Variants in TGFA observed in about 807,000 individuals in gnomAD.
TGFA encodes the protein transforming growth factor alpha.
A neutral mutation model predicts 21.7 loss-of-function variants in TGFA; 12 were observed. The ratio of observed to expected loss-of-function variants is 0.55; its 90% CI spans 0.35 to 0.90. The LOEUF (loss-of-function observed/expected upper bound fraction) is 0.90, where lower values mean the gene tolerates loss of function less well. Among genes scored for constraint, TGFA ranks in the 40% least tolerant of loss-of-function variants. The pLI, the probability that TGFA is intolerant of heterozygous loss-of-function variation, is 0.01. For synonymous variants in TGFA, 79 were observed against 88.1 expected (o/e 0.90, Z 0.58); for missense variants, 178 against 210.8 (o/e 0.84, Z 0.96).
chr2:70,549,529 A>C (rs1553506471), intron 1 of TGFA, among the ~76,000 whole-genome samples: 1 of 152,176 alleles, frequency 6.6e-6, no homozygotes, highest in Non-Finnish European at 1.5e-5. Context: ...AGCCCTCCAG[A>C]TCATTCCAAT....
intron 4 of TGFA, among the ~76,000 whole-genome samples, chr2:70,455,447 CACTG>C (rs1433159180): frequency 6.6e-6 from 1 of 152,206 alleles, no homozygotes; most frequent in Non-Finnish European, 1.5e-5. Flanking sequence ...GGGGCCCATC[CACTG>C]ACTGTCTCCA....
At chr2:70,524,508 CT>C (rs1553502726) in intron 1 of TGFA, among the ~76,000 whole-genome samples, 6 of 152,252 alleles carry the variant, frequency 3.9e-5, no homozygotes, top group Non-Finnish European at 7.3e-5. Context: ...TCGCCGAGCC[CT>C]CTCGGGCTGG....
intron 1 of TGFA, among the ~76,000 whole-genome samples, chr2:70,546,205 T>G (rs1273068845): frequency 1.3e-5 from 2 of 152,128 alleles, no homozygotes; most frequent in African/African-American, 4.8e-5. Flanking sequence ...ACTATAGATT[T>G]AATATATGCT....
At chr2:70,451,939 T>C (rs1670072325) in intron 5 of TGFA, among the ~76,000 whole-genome samples, 1 of 152,200 alleles carries the variant, frequency 6.6e-6, no homozygotes, top group Non-Finnish European at 1.5e-5. Flanking sequence ...TCAAGAGCTG[T>C]GGCTCCTAAA....
chr2:70,545,055 G>A (rs554177980), intron 1 of TGFA, among the ~76,000 whole-genome samples: 15 of 152,260 alleles, frequency 9.9e-5, no homozygotes, highest in Admixed American at 7.2e-4. Context: ...AATGCTTGAG[G>A]TCACAGATGC....
chr2:70,550,198 T>TA (rs1673445885), intron 1 of TGFA, among the ~76,000 whole-genome samples: 1 of 152,224 alleles, frequency 6.6e-6, no homozygotes, highest in Non-Finnish European at 1.5e-5. Context: ...GGAGTTGCCA[T>TA]AAAAATAATA....
intron 2 of TGFA, among the ~76,000 whole-genome samples, chr2:70,487,998 G>A (rs782478395): frequency 3.9e-5 from 6 of 151,988 alleles, no homozygotes; most frequent in East Asian, 1.9e-4. Context: ...TTCCCTTCTC[G>A]TCAATTTCGT....
At chr2:70,462,092 T>A (rs529907610) in intron 3 of TGFA, among the ~76,000 whole-genome samples, 1 of 152,068 alleles carries the variant, frequency 6.6e-6, no homozygotes, top group Admixed American at 6.5e-5. Context: ...GAGGCCATGA[T>A]AGATGGGGCC....
intron 2 of TGFA, among the ~76,000 whole-genome samples, chr2:70,498,500 G>A (rs543191524): frequency 1.1e-3 from 175 of 152,194 alleles, no homozygotes; most frequent in African/African-American, 3.9e-3. Context: ...AGGCTGGAGA[G>A]AAAAAAATCA....
rs143201620 is a variant in TGFA at position 70,466,671 on chromosome 2, C to G, written c.95-935G>C. On this transcript the variant is annotated intron_variant, in intron 2 of 5. Coordinates refer to ENST00000295400, the MANE Select transcript of TGFA (RefSeq NM_003236.4). ...TAAGGCTATAAAGATTACTTAGAGT[C>G]CCATTACTGGGTATATACCCAAAGG... Among the ~76,000 whole-genome samples, 11 of 152,256 alleles carry G rather than the reference C, an allele frequency of 7.2e-5. No homozygotes were observed. The South Asian group carries it at 2.3e-3, about 32-fold the overall frequency.
At chr2:70,505,624 C>T (rs566552634) in intron 2 of TGFA, among the ~76,000 whole-genome samples, 14 of 150,718 alleles carry the variant, frequency 9.3e-5, no homozygotes, top group Middle Eastern at 3.4e-3. Context: ...AAAGTCAAAA[C>T]GAAAAAAGAC....
intron 1 of TGFA, chr2:70,553,199 G>A: frequency 3.3e-6 from 5 of 1,536,186 alleles, no homozygotes; most frequent in Non-Finnish European, 4.4e-6. Flanking sequence ...AAGCTCAAGA[G>A]CTCTGAAAAG....
chr2:70,517,369 T>C (rs1672317051), intron 1 of TGFA, among the ~76,000 whole-genome samples: 1 of 152,194 alleles, frequency 6.6e-6, no homozygotes, highest in Admixed American at 6.5e-5. Flanking sequence ...AGGCCTCTGC[T>C]TTGTCTTCAT....
chr2:70,553,087 T>C, intron 1 of TGFA: 2 of 1,305,070 alleles, frequency 1.5e-6, no homozygotes, highest in African/African-American at 2.9e-5. Flanking sequence ...ACACTCGGTC[T>C]AGGGTTTCGC....
chr2:70,503,508 G>A (rs1403580579), intron 2 of TGFA, among the ~76,000 whole-genome samples: 1 of 151,088 alleles, frequency 6.6e-6, no homozygotes, highest in Non-Finnish European at 1.5e-5. Context: ...CACCAACATG[G>A]CACATGAATA....
chr2:70,455,953 C>T (rs1376518332), intron 4 of TGFA, among the ~76,000 whole-genome samples: 2 of 152,234 alleles, frequency 1.3e-5, no homozygotes, highest in Non-Finnish European at 2.9e-5. Context: ...TGCAAAGTGA[C>T]TTCTGCAGAG....
intron 1 of TGFA, chr2:70,553,520 C>T: frequency 1.5e-6 from 2 of 1,372,420 alleles, no homozygotes; most frequent in Non-Finnish European, 1.9e-6. Flanking sequence ...GCCACTTTCC[C>T]GGGGAAGCCT....
intron 1 of TGFA, among the ~76,000 whole-genome samples, chr2:70,543,733 A>G (rs112726231): frequency 1.9e-3 from 283 of 152,304 alleles, no homozygotes; most frequent in African/African-American, 6.6e-3. Context: ...ACCAGGCCAG[A>G]AGCTTCTTAG....
chr2:70,456,541 CT>C, intron 3 of TGFA, 53 bp from the exon 4 acceptor site: 1 of 1,543,228 alleles, frequency 6.5e-7, no homozygotes, highest in South Asian at 1.2e-5. Context: ...TCTTGTTACC[CT>C]AGCTCTCCAG....
Sources: allele counts gnomAD v4.1 joint callset (sites outside exome capture counted in the v4.1 genomes callset), GRCh38; gene constraint gnomAD v4.1.1; transcripts MANE v1.5; gene names NCBI Gene and HGNC (gene_info 2026-07-23, HGNC 2026-07-21).